The following C6orf62 variants were observed in gnomAD, a reference collection of about 807,000 sequenced individuals.
C6orf62 encodes the protein chromosome 6 open reading frame 62.
In C6orf62, 16 loss-of-function variants were observed where a neutral mutation model predicts 26.8. The ratio of observed to expected loss-of-function variants is 0.60; its 90% CI spans 0.40 to 0.91. The LOEUF is 0.91. Ranked by LOEUF, C6orf62 falls within the 40% of genes least tolerant of loss-of-function variation. The probability of loss-of-function intolerance (pLI) is 0.00; values close to 1 mark genes in which losing one functional copy is unlikely to be tolerated. For missense variants in C6orf62, 192 were observed against 271.4 expected (o/e 0.71, Z 2.06); for synonymous variants, 112 against 91.5 (o/e 1.22, Z -1.28).
rs1779005529 is a variant in C6orf62, at chr6:24,706,181, C to T, written c.646G>A (p.Val216Ile). 6.2e-7 allele frequency: 1 copy of T among 1,614,224 alleles called. No homozygotes were observed. Among genetic ancestry groups the T allele is most frequent in the Non-Finnish European group, 8.5e-7 (1 of 1,180,034 alleles). ...LPQEQLTHWA[V>I]GTIEDHLRPY... ...CGGAGGTGATCCTCTATGGTGCCAA[C>T]TGCCCAGTGGGTGAGCTGTTCCTGT... Residue 216 changes from valine (V) to isoleucine (I), a missense_variant, in exon 5 of 5, where the codon GTT becomes ATT. Val to Ile is a conservative substitution (Grantham distance 29, BLOSUM62 3). Coordinates refer to ENST00000378119, the MANE Select transcript of C6orf62 (RefSeq NM_030939.5).
intron 2 of C6orf62, 47 bp from the exon 3 acceptor site, chr6:24,714,487 T>C: frequency 7.0e-7 from 1 of 1,431,280 alleles, no homozygotes; most frequent in Non-Finnish European, 9.5e-7. Context: ...AAGAAACAGC[T>C]ACATCAAGCC....
intron 3 of C6orf62, among the ~76,000 whole-genome samples, chr6:24,712,384 A>G (rs1218548966): frequency 6.6e-6 from 1 of 151,692 alleles, no homozygotes; most frequent in Admixed American, 6.6e-5. Context: ...CCTGTCTCAA[A>G]AAAAGGACGG....
intron 4 of C6orf62, 58 bp from the exon 5 acceptor site, chr6:24,706,320 C>A: frequency 1.3e-6 from 2 of 1,589,144 alleles, no homozygotes; most frequent in Non-Finnish European, 1.7e-6. Context: ...GTAACTGTCA[C>A]ATGAAGTCCA....
chr6:24,710,474 G>T, intron 3 of C6orf62: 1 of 523,302 alleles, frequency 1.9e-6, no homozygotes, highest in Non-Finnish European at 2.5e-6. Flanking sequence ...ATGTTGGTCA[G>T]GATGGTCTCA....
At chr6:24,720,123 TC>T, upstream of C6orf62, 1 of 1,345,890 alleles carries the variant, frequency 7.4e-7, no homozygotes, top group South Asian at 1.7e-5. Context: ...GTTAGTTGTT[TC>T]CCGAGGGGCA....
chr6:24,705,189 TA>T lies in C6orf62; in HGVS notation c.*947del. On this transcript the variant is annotated 3_prime_UTR_variant, in exon 5 of 5. Coordinates refer to ENST00000378119, the MANE Select transcript of C6orf62 (RefSeq NM_030939.5). ...TTTACAATTTAAGATTCCAACTTTA[TA>T]ACCTTTTTTCTACTCCAAAACACCC... The T allele has an allele frequency of 6.5e-6, 1 of 152,718 alleles. No individual in the cohort carries two copies. The highest frequency in any genetic ancestry group is 1.5e-5 in the Non-Finnish European group (1 of 68,024). The allele number at this position is 152,718 out of a possible 1,614,324, so 9.5% of individuals were successfully genotyped here. A position where few individuals can be genotyped will look rare whatever the true frequency, so the allele number is the denominator to read the frequency against.
chr6:24,718,108 G>A (rs894928419), intron 1 of C6orf62, among the ~76,000 whole-genome samples: 5 of 152,174 alleles, frequency 3.3e-5, no homozygotes, highest in Non-Finnish European at 4.4e-5. Context: ...TAAGAGAAAA[G>A]GTTACCTACA....
At chr6:24,714,488 A>G in intron 2 of C6orf62, 48 bp from the exon 3 acceptor site, 14 of 1,417,060 alleles carry the variant, frequency 9.9e-6, no homozygotes, top group Non-Finnish European at 1.2e-5. Context: ...AGAAACAGCT[A>G]CATCAAGCCA....
chr6:24,719,567 A>ATT, upstream of C6orf62: 1 of 1,242,274 alleles, frequency 8.0e-7, no homozygotes, highest in Non-Finnish European at 1.0e-6. Context: ...CGGCAGAAGG[A>ATT]AAAGGGGTAT....
chr6:24,719,186 C>T, upstream of C6orf62: 1 of 980,012 alleles, frequency 1.0e-6, no homozygotes, highest in Non-Finnish European at 1.2e-6. Flanking sequence ...CTCACCAAAA[C>T]CAAAACCAAA....
intron 2 of C6orf62, among the ~76,000 whole-genome samples, chr6:24,715,271 C>T (rs16889643): frequency 0.012 from 1,836 of 152,234 alleles, 32 homozygotes; most frequent in African/African-American, 0.031. Flanking sequence ...CAGCATTCTC[C>T]CCAAGTAACT....
chr6:24,715,013 A>G (rs1389507270), intron 2 of C6orf62, among the ~76,000 whole-genome samples: 1 of 152,190 alleles, frequency 6.6e-6, no homozygotes, highest in African/African-American at 2.4e-5. Context: ...TGAAAACTCC[A>G]ACAAAATCTC....
intron 1 of C6orf62, among the ~76,000 whole-genome samples, chr6:24,716,732 T>C (rs1468687991): frequency 6.6e-6 from 1 of 152,098 alleles, no homozygotes; most frequent in Non-Finnish European, 1.5e-5. Flanking sequence ...GTTTTTCTTT[T>C]TTTTTTTTGA....
chr6:24,717,343 A>G (rs1477992059), intron 1 of C6orf62, among the ~76,000 whole-genome samples: 1 of 152,242 alleles, frequency 6.6e-6, no homozygotes, highest in Non-Finnish European at 1.5e-5. Flanking sequence ...AATCTCATCA[A>G]TTTTGAGTCA....
intron 1 of C6orf62, among the ~76,000 whole-genome samples, chr6:24,717,265 T>C (rs1048893730): frequency 6.6e-6 from 1 of 152,210 alleles, no homozygotes; most frequent in Admixed American, 6.5e-5. Flanking sequence ...TACAAAGATA[T>C]GGTCTCACTA....
In C6orf62 at chr6:24,708,772, C is replaced by T; in HGVS notation, c.564+5G>A. 6.2e-7 allele frequency: 1 copy of T among 1,614,116 alleles called. No homozygotes were observed. The highest frequency in any genetic ancestry group is 8.5e-7 in the Non-Finnish European group (1 of 1,180,020). ...CTGTAAGTGGTTTTCAAAAAAGCTG[C>T]TTACCTGCAAGTGCTGTCTGTCAAT... On this transcript the variant is annotated splice_donor_5th_base_variant and intron_variant, in intron 4 of 4. Transcript: ENST00000378119.
intron 3 of C6orf62, chr6:24,710,627 C>A: frequency 7.1e-6 from 7 of 984,444 alleles, no homozygotes; most frequent in Non-Finnish European, 8.4e-6. Flanking sequence ...GTAAGTAACA[C>A]GGGAACATTA....
At chr6:24,709,183 TGA>T (rs557262110) in intron 3 of C6orf62, 125 of 978,046 alleles carry the variant, frequency 1.3e-4, no homozygotes, top group South Asian at 3.3e-4. Context: ...AACAATCTCT[TGA>T]GATACAGAAC....
At chr6:24,712,355 T>C (rs1779136809) in intron 3 of C6orf62, among the ~76,000 whole-genome samples, 1 of 146,576 alleles carries the variant, frequency 6.8e-6, no homozygotes, top group African/African-American at 2.6e-5. Context: ...ACACTCCAGC[T>C]TGGGCGACAG....
Sources: allele counts gnomAD v4.1 joint callset (sites outside exome capture counted in the v4.1 genomes callset), GRCh38; gene constraint gnomAD v4.1.1; transcripts MANE v1.5; gene names NCBI Gene and HGNC (gene_info 2026-07-23, HGNC 2026-07-21).